ANTXR1: variants seen among roughly 807,000 people sequenced by gnomAD.
ANTXR1 encodes anthrax toxin receptor 1.
Under a neutral mutation model 78.1 loss-of-function variants are expected in ANTXR1, and 19 were observed. The observed-to-expected ratio is 0.24, with a 90% confidence interval of 0.17 to 0.36. ANTXR1 has a LOEUF of 0.36. Ranked by LOEUF, ANTXR1 falls within the 10% of genes least tolerant of loss-of-function variation. The pLI, the probability that ANTXR1 is intolerant of heterozygous loss-of-function variation, is 1.00. For synonymous variants in ANTXR1, 273 were observed against 260.5 expected, an observed-to-expected ratio of 1.05 and a Z score of -0.46; for missense variants, 518 against 718.6, an observed-to-expected ratio of 0.72 and a Z score of 3.19.
At chr2:69,240,883 G>A (rs778110407) in intron 17 of ANTXR1, among the ~76,000 whole-genome samples, 1 of 152,052 alleles carries the variant, frequency 6.6e-6, no homozygotes, top group Non-Finnish European at 1.5e-5. Context: ...AGACACTAAT[G>A]TACCTGGACG....
chr2:69,223,865 G>A (rs1390464996), intron 17 of ANTXR1, among the ~76,000 whole-genome samples: 2 of 152,178 alleles, frequency 1.3e-5, no homozygotes, highest in African/African-American at 4.8e-5. Context: ...GCTTGATCTC[G>A]AATGTAGGTG....
rs4547557 is a variant in ANTXR1 at position 69,028,516 on chromosome 2, A to G, written c.153-11528A>G. Reference sequence around the variant, plus strand: ...TACACATGAAAAAAAATAAAAAAGCATTTTCAGATACATATGGATTCTTTC... The same window carrying G: ...TACACATGAAAAAAAATAAAAAAGCGTTTTCAGATACATATGGATTCTTTC... On this transcript the variant is annotated intron_variant, in intron 1 of 17. Coordinates refer to ENST00000303714, the MANE Select transcript of ANTXR1 (RefSeq NM_032208.3). 0.016 allele frequency among the ~76,000 whole-genome samples: 2,412 copies of G among 152,260 alleles called. 99 individuals carry two copies. The East Asian group carries it at 0.17, about 11-fold the overall frequency.
At chr2:69,160,666 G>T (rs918632169) in intron 13 of ANTXR1, among the ~76,000 whole-genome samples, 2 of 152,162 alleles carry the variant, frequency 1.3e-5, no homozygotes, top group African/African-American at 2.4e-5. Context: ...AGAACAAGAG[G>T]TATTTAGACA....
chr2:69,116,629 C>T (rs1426981366), intron 10 of ANTXR1, among the ~76,000 whole-genome samples: 1 of 152,116 alleles, frequency 6.6e-6, no homozygotes, highest in African/African-American at 2.4e-5. Context: ...CATTTCAGTC[C>T]CTAACCTCCA....
chr2:69,096,068 C>T (rs937894292), intron 9 of ANTXR1, among the ~76,000 whole-genome samples: 21 of 151,926 alleles, frequency 1.4e-4, no homozygotes, highest in Non-Finnish European at 2.5e-4. Context: ...ACCATCCTGG[C>T]TAACACGGTG....
intron 12 of ANTXR1, among the ~76,000 whole-genome samples, chr2:69,151,131 TTA>T (rs1466365347): frequency 1.3e-5 from 2 of 151,996 alleles, no homozygotes; most frequent in African/African-American, 2.4e-5. Context: ...TGTTAACCAT[TTA>T]TGTTTTCATT....
At chr2:69,147,997 C>T (rs1196262191) in intron 12 of ANTXR1, among the ~76,000 whole-genome samples, 1 of 152,246 alleles carries the variant, frequency 6.6e-6, no homozygotes, top group Non-Finnish European at 1.5e-5. Context: ...GGAAATGACA[C>T]TGCCCAGAAG....
intron 6 of ANTXR1, 73 bp from the exon 7 acceptor site, chr2:69,075,517 T>A: frequency 7.1e-7 from 1 of 1,410,206 alleles, no homozygotes; most frequent in Non-Finnish European, 1.0e-6. Context: ...TCATTGAAGT[T>A]AGTCAGGTAG....
At chr2:69,054,496 C>G (rs1670014983) in intron 3 of ANTXR1, among the ~76,000 whole-genome samples, 1 of 152,138 alleles carries the variant, frequency 6.6e-6, no homozygotes, top group African/African-American at 2.4e-5. Context: ...GTAGCATCAG[C>G]ATTTCACAGA....
intron 17 of ANTXR1, among the ~76,000 whole-genome samples, chr2:69,203,910 A>G (rs1408030418): frequency 3.3e-5 from 5 of 152,224 alleles, no homozygotes; most frequent in Non-Finnish European, 7.3e-5. Context: ...GTAAATGCTA[A>G]GGCTGAACCA....
chr2:69,036,089 T>C (rs1669407213), intron 1 of ANTXR1, among the ~76,000 whole-genome samples: 1 of 152,202 alleles, frequency 6.6e-6, no homozygotes, highest in African/African-American at 2.4e-5. Context: ...AATGAGGAAA[T>C]ATTAACACAA....
At chr2:69,134,220 A>G (rs1031627880) in intron 12 of ANTXR1, among the ~76,000 whole-genome samples, 2 of 152,226 alleles carry the variant, frequency 1.3e-5, no homozygotes, top group Non-Finnish European at 2.9e-5. Flanking sequence ...TGTATGAGAA[A>G]TACTACCAAA....
chr2:69,111,870 G>A (rs565830145), intron 10 of ANTXR1, among the ~76,000 whole-genome samples: 1 of 152,276 alleles, frequency 6.6e-6, no homozygotes, highest in Non-Finnish European at 1.5e-5. Flanking sequence ...GGGCTGCTGT[G>A]GGCACCCTAA....
At chr2:69,164,226 G>A (rs750834438) in intron 13 of ANTXR1, among the ~76,000 whole-genome samples, 8 of 152,162 alleles carry the variant, frequency 5.3e-5, no homozygotes, top group South Asian at 4.1e-4. Flanking sequence ...ACAATTAACC[G>A]TAAGGCCAAC....
chr2:69,129,237 G>T (rs973870615), intron 12 of ANTXR1, among the ~76,000 whole-genome samples: 6 of 152,216 alleles, frequency 3.9e-5, no homozygotes, highest in Non-Finnish European at 8.8e-5. Context: ...ATTGAAAAGA[G>T]ATTTGTCCTT....
intron 3 of ANTXR1, among the ~76,000 whole-genome samples, chr2:69,069,744 A>G (rs1670509761): frequency 6.6e-6 from 1 of 152,216 alleles, no homozygotes; most frequent in South Asian, 2.1e-4. Context: ...TACCTTGTAT[A>G]TAGCGGATGC....
At chr2:69,165,441 C>T (rs1192851148) in intron 13 of ANTXR1, among the ~76,000 whole-genome samples, 1 of 152,228 alleles carries the variant, frequency 6.6e-6, no homozygotes, top group Non-Finnish European at 1.5e-5. Flanking sequence ...ATTTCTCATG[C>T]CATGAGATGA....
chr2:69,209,952 T>C (rs1675000707), intron 17 of ANTXR1, among the ~76,000 whole-genome samples: 1 of 152,164 alleles, frequency 6.6e-6, no homozygotes, highest in Admixed American at 6.5e-5. Flanking sequence ...TCTACAAAGA[T>C]GACCAGGGAT....
intron 17 of ANTXR1, among the ~76,000 whole-genome samples, chr2:69,231,429 C>A (rs2104521558): frequency 6.6e-6 from 1 of 151,770 alleles, no homozygotes; most frequent in South Asian, 2.1e-4. Context: ...AGTTCAGAGT[C>A]CAGAAAAAAA....
Sources: allele counts gnomAD v4.1 joint callset (sites outside exome capture counted in the v4.1 genomes callset), GRCh38; gene constraint gnomAD v4.1.1; transcripts MANE v1.5; gene names NCBI Gene and HGNC (gene_info 2026-07-23, HGNC 2026-07-21).